Variants in TBC1D19 observed in about 807,000 individuals in gnomAD.
TBC1D19 encodes TBC1 domain family member 19.
Under a neutral mutation model 89.0 loss-of-function variants are expected in TBC1D19, and 60 were observed. The ratio of observed to expected loss-of-function variants is 0.67; its 90% CI spans 0.55 to 0.84. TBC1D19 has a LOEUF of 0.84. Among genes scored for constraint, TBC1D19 ranks in the 40% least tolerant of loss-of-function variants. The pLI, the probability that TBC1D19 is intolerant of heterozygous loss-of-function variation, is 0.00. For missense variants in TBC1D19, 500 were observed against 610.8 expected (o/e 0.82, Z 1.91); for synonymous variants, 189 against 199.7 (o/e 0.95, Z 0.45).
At chr4:26,587,405 C>G (rs551597498) in intron 1 of TBC1D19, among the ~76,000 whole-genome samples, 1 of 152,030 alleles carries the variant, frequency 6.6e-6, no homozygotes, top group South Asian at 2.1e-4. Context: ...TGGCAAAACC[C>G]TATCTCCACA....
intron 15 of TBC1D19, among the ~76,000 whole-genome samples, chr4:26,735,097 T>C (rs1285576107): frequency 6.6e-6 from 1 of 151,118 alleles, no homozygotes; most frequent in Non-Finnish European, 1.5e-5. Flanking sequence ...TATACACATG[T>C]ATATATGTAT....
intron 19 of TBC1D19, among the ~76,000 whole-genome samples, chr4:26,752,243 CTTT>C (rs758735137): frequency 3.1e-5 from 4 of 128,902 alleles, no homozygotes; most frequent in Non-Finnish European, 3.3e-5. Flanking sequence ...ATATTTCTTT[CTTT>C]TTTTTTTTTT....
In TBC1D19 at chr4:26,688,500, T is replaced by C. The variant is rs1714007098; in HGVS notation, c.954+93T>C. Reference sequence around the variant, plus strand: ...ATATCTCTGCTGTTGACTAAATCTTTTTGTAATCCATGGCATGCTTGTCGG... The same window carrying C: ...ATATCTCTGCTGTTGACTAAATCTTCTTGTAATCCATGGCATGCTTGTCGG... On this transcript the variant is annotated intron_variant, in intron 13 of 20. Transcript: ENST00000264866. 3 of 1,313,088 alleles carry C rather than the reference T, an allele frequency of 2.3e-6. No homozygotes were observed. In the African/African-American group the frequency reaches 4.6e-5, roughly 20 times the overall value. The allele number at this position is 1,313,088 out of a possible 1,614,324, so 81.3% of individuals were successfully genotyped here. A position where few individuals can be genotyped will look rare whatever the true frequency, so the allele number is the denominator to read the frequency against.
At chr4:26,676,919 A>G (rs577567845) in intron 11 of TBC1D19, among the ~76,000 whole-genome samples, 88 of 152,200 alleles carry the variant, frequency 5.8e-4, no homozygotes, top group African/African-American at 2.0e-3. Context: ...CTTAGCAAAT[A>G]TTACAAACTC....
chr4:26,667,910 C>A (rs1480353285), intron 9 of TBC1D19, among the ~76,000 whole-genome samples: 2 of 151,940 alleles, frequency 1.3e-5, no homozygotes, highest in Non-Finnish European at 2.9e-5. Context: ...TCATCTTTGT[C>A]TTAGTCAATC....
At chr4:26,695,618 G>T (rs1015298358) in intron 13 of TBC1D19, among the ~76,000 whole-genome samples, 1 of 152,152 alleles carries the variant, frequency 6.6e-6, no homozygotes, top group Non-Finnish European at 1.5e-5. Flanking sequence ...GAAAGGTTGG[G>T]TTACCCACAA....
the TBC1D19 span, among the ~76,000 whole-genome samples, chr4:26,819,798 A>G: frequency 6.6e-6 from 1 of 152,302 alleles, no homozygotes; most frequent in South Asian, 2.1e-4. Flanking sequence ...TACTAGTCTC[A>G]GCCCTGGTCA....
chr4:26,668,318 A>G (rs1489217654), intron 9 of TBC1D19, among the ~76,000 whole-genome samples: 1 of 152,022 alleles, frequency 6.6e-6, no homozygotes, highest in African/African-American at 2.4e-5. Context: ...TCTAAATCTC[A>G]TAGTATCTAT....
At chr4:26,692,025 T>G (rs993707274) in intron 13 of TBC1D19, among the ~76,000 whole-genome samples, 18 of 152,258 alleles carry the variant, frequency 1.2e-4, no homozygotes, top group African/African-American at 4.1e-4. Context: ...GAAGAAAACA[T>G]TTATTTGAGA....
At chr4:26,771,039 G>T in the TBC1D19 span, among the ~76,000 whole-genome samples, 1 of 152,026 alleles carries the variant, frequency 6.6e-6, no homozygotes, top group South Asian at 2.1e-4. Context: ...CAGTGATCTT[G>T]GTTTCTATTA....
At position 26,677,381 on chromosome 4, in the gene TBC1D19, C is replaced by T. The variant is rs112700328; in HGVS notation, c.816+3493C>T. ...TCGTCTAGGCTGGAGTGCAGTGGTG[C>T]GATCTTGGCTTACTGCAAGCTCCGC... On this transcript the variant is annotated intron_variant, in intron 11 of 20. Transcript: ENST00000264866. Among the ~76,000 whole-genome samples the T allele has an allele frequency of 6.2e-3, 924 of 150,202 alleles. 2 individuals carry two copies. Among genetic ancestry groups the T allele is most frequent in the Middle Eastern group, 0.01 (3 of 292 alleles).
In TBC1D19 at chr4:26,597,751, T is replaced by C. The variant is rs564417258; in HGVS notation, c.99+13459T>C. Among the ~76,000 whole-genome samples, 3 of 152,260 alleles carry C rather than the reference T, an allele frequency of 2.0e-5. No individual in the cohort carries two copies. In the East Asian group the frequency reaches 5.8e-4, roughly 29 times the overall value. ...TCTATATGGTTTTATAACTCACATCTATATGGTTTTATAACTCACATTAAT... is the reference window on the plus strand; with the variant it reads ...TCTATATGGTTTTATAACTCACATCCATATGGTTTTATAACTCACATTAAT... On this transcript the variant is annotated intron_variant, in intron 1 of 20. Transcript: ENST00000264866.
At chr4:26,594,073 A>G (rs1428559519) in intron 1 of TBC1D19, among the ~76,000 whole-genome samples, 1 of 152,206 alleles carries the variant, frequency 6.6e-6, no homozygotes, top group East Asian at 1.9e-4. Context: ...CACAATAGCA[A>G]AGACTTGGAA....
chr4:26,646,026 G>A (rs1269145369), intron 7 of TBC1D19, among the ~76,000 whole-genome samples: 1 of 150,876 alleles, frequency 6.6e-6, no homozygotes, highest in Non-Finnish European at 1.5e-5. Context: ...GGGAGGCTGA[G>A]GCAGGAGAAT....
At chr4:26,688,227 T>C in intron 12 of TBC1D19, 118 bp from the exon 13 acceptor site, 1 of 1,307,776 alleles carries the variant, frequency 7.6e-7, no homozygotes, top group Non-Finnish European at 9.8e-7. Context: ...AATTGAGAAG[T>C]TTATAATCAT....
chr4:26,698,377 G>T (rs1221045047), intron 13 of TBC1D19, among the ~76,000 whole-genome samples: 1 of 152,160 alleles, frequency 6.6e-6, no homozygotes, highest in African/African-American at 2.4e-5. Context: ...ATAAACAAAT[G>T]CAAGAACATT....
At chr4:26,851,272 T>A in the TBC1D19 span, among the ~76,000 whole-genome samples, 253 of 129,492 alleles carry the variant, frequency 2.0e-3, 1 homozygote, top group Non-Finnish European at 3.1e-3. Flanking sequence ...GCAGCCTCCA[T>A]AATGGCATGA....
intron 3 of TBC1D19, among the ~76,000 whole-genome samples, chr4:26,619,665 A>G (rs184927022): frequency 2.0e-4 from 31 of 152,318 alleles, no homozygotes; most frequent in African/African-American, 6.5e-4. Flanking sequence ...TCATTTGTGA[A>G]TGCGAAAGAT....
At chr4:26,733,200 T>C (rs80249075) in intron 15 of TBC1D19, among the ~76,000 whole-genome samples, 242 of 152,354 alleles carry the variant, frequency 1.6e-3, no homozygotes, top group African/African-American at 5.5e-3. Flanking sequence ...GCTTTTCTCA[T>C]ACTATTTTTG....
Sources: allele counts gnomAD v4.1 joint callset (sites outside exome capture counted in the v4.1 genomes callset), GRCh38; gene constraint gnomAD v4.1.1; transcripts MANE v1.5; gene names NCBI Gene and HGNC (gene_info 2026-07-23, HGNC 2026-07-21).